PRKCD: variants seen among roughly 807,000 people sequenced by gnomAD.
The protein encoded by PRKCD is protein kinase C delta.
In PRKCD, 20 loss-of-function variants were observed where a neutral mutation model predicts 82.2. That is an observed-to-expected ratio of 0.24 (90% CI 0.17 to 0.35). The LOEUF (loss-of-function observed/expected upper bound fraction) is 0.35. PRKCD is among the 10% of genes least tolerant of loss of function. PRKCD has a pLI of 1.00. For missense variants in PRKCD, 607 were observed against 899.0 expected (o/e 0.68, Z 4.15); for synonymous variants, 317 against 337.0 (o/e 0.94, Z 0.65).
intron 4 of PRKCD, 123 bp downstream of exon 4, chr3:53,179,899 G>A: frequency 8.0e-7 from 1 of 1,254,094 alleles, no homozygotes; most frequent in South Asian, 1.4e-5. Context: ...AGAGCACCGG[G>A]CCCTGTGCTG....
At chr3:53,162,010 G>C (rs1039912475) in intron 1 of PRKCD, among the ~76,000 whole-genome samples, 34 of 151,710 alleles carry the variant, frequency 2.2e-4, no homozygotes, top group Non-Finnish European at 4.3e-4. Flanking sequence ...CTCGCCTCCC[G>C]CCCCTGGGTC....
At chr3:53,166,764 G>C (rs1227959468) in intron 2 of PRKCD, among the ~76,000 whole-genome samples, 2 of 152,248 alleles carry the variant, frequency 1.3e-5, no homozygotes, top group African/African-American at 4.8e-5. Context: ...ATCTCAGTAA[G>C]GGGGGCTGGG....
chr3:53,165,575 C>T (rs190088179), intron 2 of PRKCD, among the ~76,000 whole-genome samples: 3 of 152,270 alleles, frequency 2.0e-5, no homozygotes, highest in Non-Finnish European at 2.9e-5. Context: ...TTTCCATGGC[C>T]CTGTATCTGC....
In PRKCD at chr3:53,184,861, T is replaced by C. The variant is rs782012522; in HGVS notation, c.788-13T>C. ...GCTCTGAGACTGACAGCCCCGCTTCTCCCTCACCCCAGACTGCGGCATGAA... is the reference window on the plus strand; with the variant it reads ...GCTCTGAGACTGACAGCCCCGCTTCCCCCTCACCCCAGACTGCGGCATGAA... On this transcript the variant is annotated splice_polypyrimidine_tract_variant and intron_variant, in intron 9 of 18. Coordinates refer to ENST00000330452, the MANE Select transcript of PRKCD (RefSeq NM_006254.4). The C allele has an allele frequency of 6.2e-7, 1 of 1,612,894 alleles. No individual in the cohort carries two copies. Among genetic ancestry groups the C allele is most frequent in the South Asian group, 1.1e-5 (1 of 91,050 alleles).
At chr3:53,182,331 C>T (rs531943791) in intron 7 of PRKCD, among the ~76,000 whole-genome samples, 34 of 151,968 alleles carry the variant, frequency 2.2e-4, no homozygotes, top group East Asian at 3.9e-4. Flanking sequence ...TGCAGTTGTG[C>T]GATCTCAGCT....
chr3:53,186,685 T>A lies in PRKCD; in HGVS notation c.1342T>A (p.Tyr448Asn), dbSNP rs141979341. ...HIQDKGRFEL[Y>N]RATFYAAEIM... ...CCAGGACAAAGGCCGCTTTGAACTC[T>A]ACCGTGCCACGTACGTAAGGGCCAT... The change falls in exon 14 of 19, where the codon TAC (tyrosine) becomes AAC (asparagine). Residue 448 changes from tyrosine to asparagine, a missense_variant. By Grantham distance (143) the Tyr-to-Asn change is moderately radical. Transcript: ENST00000330452. 67 of 1,613,622 alleles carry A rather than the reference T, an allele frequency of 4.2e-5. No individual in the cohort carries two copies. Among genetic ancestry groups the A allele is most frequent in the Non-Finnish European group, 5.7e-5 (67 of 1,179,596 alleles).
intron 1 of PRKCD, among the ~76,000 whole-genome samples, chr3:53,163,298 C>T (rs1216509211): frequency 1.3e-5 from 2 of 150,940 alleles, no homozygotes; most frequent in African/African-American, 2.4e-5. Context: ...AGTGCCTGGG[C>T]GTGGGTGTTA....
rs887500402 is a variant in PRKCD, at chr3:53,187,545, C to T, written c.1415+143C>T. On this transcript the variant is annotated intron_variant, in intron 15 of 18. Coordinates refer to ENST00000330452, the MANE Select transcript of PRKCD (RefSeq NM_006254.4). The stretch of plus-strand genomic sequence containing the variant: ...TCTTTAGCTGGGTATTTGCCTATGC[C>T]TCCCACCCTGGTGTTAGCATTCCTG... 6.6e-4 allele frequency: 625 copies of T among 946,410 alleles called. 1 individual carries two copies. Among genetic ancestry groups the T allele is most frequent in the Non-Finnish European group, 7.7e-4 (490 of 639,104 alleles). 58.6% of individuals were successfully genotyped at this position (946,410 alleles called of 1,614,324 possible).
intron 18 of PRKCD, among the ~76,000 whole-genome samples, chr3:53,191,760 A>AT (rs544916044): frequency 2.6e-5 from 4 of 152,030 alleles, no homozygotes; most frequent in African/African-American, 7.2e-5. Flanking sequence ...TTTTCTTTTG[A>AT]TTTTTTTTCC....
rs151061939 is a variant in PRKCD at position 53,179,675 on chromosome 3, G to A, written c.214G>A (p.Val72Met). The A allele has an allele frequency of 3.1e-6, 5 of 1,613,108 alleles. No homozygotes were observed. The East Asian group carries it at 1.1e-4, about 36-fold the overall frequency. ...CTATGAGGGGCGCGTCATCCAGATT[G>A]TGCTAATGCGGGCAGCAGAGGAGCC... Reference protein sequence around the residue: ...HIYEGRVIQIVLMRAAEEPVS... With the variant: ...HIYEGRVIQIMLMRAAEEPVS... Residue 72 changes from valine (V) to methionine (M), a missense_variant, in exon 4 of 19, where the codon GTG (valine) becomes ATG (methionine). Around this residue, in one of 5 missense-constraint regions of PRKCD, gnomAD observed 161 missense variants for 227.0 expected, o/e 0.71. Coordinates refer to ENST00000330452, the MANE Select transcript of PRKCD (RefSeq NM_006254.4).
chr3:53,172,385 C>T (rs934334246), intron 2 of PRKCD, among the ~76,000 whole-genome samples: 12 of 152,142 alleles, frequency 7.9e-5, no homozygotes, highest in Admixed American at 6.5e-5. Flanking sequence ...CTTGCCCTGC[C>T]GTGACTGCCG....
rs782596125 is a variant in PRKCD, at chr3:53,185,705, A to C, written c.985+5A>C. 2.5e-6 allele frequency: 4 copies of C among 1,611,948 alleles called. No homozygotes were observed. The African/African-American group carries it at 5.3e-5, about 22-fold the overall frequency. On this transcript the variant is annotated splice_donor_5th_base_variant and intron_variant, in intron 11 of 18. Transcript: ENST00000330452. ...TTGCTGGGGAGGACATGCAAGGTGA[A>C]GCTGGGTCCATTGCCCCATTACGGT...
At chr3:53,180,180 T>C (rs1020087852) in intron 4 of PRKCD, among the ~76,000 whole-genome samples, 6 of 152,258 alleles carry the variant, frequency 3.9e-5, no homozygotes, top group Middle Eastern at 3.4e-3. Flanking sequence ...AGGCAGGATA[T>C]GCACATAGTA....
At chr3:53,183,733 C>T in intron 9 of PRKCD, 152 bp downstream of exon 9, 2 of 1,165,480 alleles carry the variant, frequency 1.7e-6, no homozygotes, top group Admixed American at 2.6e-5. Context: ...GTGGACCCTC[C>T]CCACTGGCCT....
At chr3:53,179,879 G>A in intron 4 of PRKCD, 103 bp downstream of exon 4, 1 of 1,426,488 alleles carries the variant, frequency 7.0e-7, no homozygotes, top group African/African-American at 1.4e-5. Context: ...TGGTCAGTGA[G>A]CACAGCTGAA....
Position 53,192,186 on chromosome 3 carries a change from C to G in PRKCD, c.1951C>G (p.Leu651Val), listed in dbSNP as rs1553671069. The change falls in exon 19 of 19, where the codon CTC (leucine) becomes GTC (valine). Residue 651 changes from leucine (L) to valine (V), a missense_variant. Coordinates refer to ENST00000330452, the MANE Select transcript of PRKCD (RefSeq NM_006254.4). ...GCGCCTCTCCTACAGCGACAAGAAC[C>G]TCATCGACTCCATGGACCAGTCTGC... is the stretch of plus-strand genomic sequence containing the variant. ...KARLSYSDKN[L>V]IDSMDQSAFA... 6.2e-7 allele frequency: 1 copy of G among 1,614,124 alleles called. No individual in the cohort carries two copies. Among genetic ancestry groups the G allele is most frequent in the Non-Finnish European group, 8.5e-7 (1 of 1,180,014 alleles).
At chr3:53,167,634 C>A (rs146996211) in intron 2 of PRKCD, among the ~76,000 whole-genome samples, 2 of 152,250 alleles carry the variant, frequency 1.3e-5, no homozygotes, top group African/African-American at 2.4e-5. Flanking sequence ...TAGCTGGCAT[C>A]GTGCTTAGTG....
intron 7 of PRKCD, chr3:53,182,066 A>C (rs1553667771): frequency 2.1e-6 from 1 of 469,500 alleles, no homozygotes; most frequent in Non-Finnish European, 4.1e-6. Context: ...CTTTACTGGC[A>C]CATAGTGGCT....
intron 4 of PRKCD, 78 bp from the exon 5 acceptor site, chr3:53,181,129 G>T: frequency 3.3e-6 from 5 of 1,500,410 alleles, no homozygotes; most frequent in Non-Finnish European, 4.6e-6. Flanking sequence ...GACCAGCCAT[G>T]GGGGTGGGTT....
Sources: allele counts gnomAD v4.1 joint callset (sites outside exome capture counted in the v4.1 genomes callset), GRCh38; gene constraint gnomAD v4.1.1; regional missense constraint gnomAD v4.1.1; transcripts MANE v1.5; gene names NCBI Gene and HGNC (gene_info 2026-07-23, HGNC 2026-07-21).